Variants in NTN1 observed in about 807,000 individuals in gnomAD.
The protein encoded by NTN1 is netrin 1, also known as netrin-1.
Under a neutral mutation model 54.2 loss-of-function variants are expected in NTN1, and 11 were observed. That is an observed-to-expected ratio of 0.20 (90% CI 0.13 to 0.34). NTN1 has a LOEUF of 0.34. Ranked by LOEUF, NTN1 falls within the 10% of genes least tolerant of loss-of-function variation. The pLI is 1.00. For missense variants in NTN1, 740 were observed against 893.1 expected, an observed-to-expected ratio of 0.83 and a Z score of 2.18; for synonymous variants, 371 against 382.0, an observed-to-expected ratio of 0.97 and a Z score of 0.33.
At chr17:9,145,504 TTCTGAGCAGAGTGGGCCAGGCG>T (rs2092310771) in intron 2 of NTN1, among the ~76,000 whole-genome samples, 2 of 152,180 alleles carry the variant, frequency 1.3e-5, no homozygotes, top group African/African-American at 4.8e-5. Context: ...AGGGCCAGGC[TTCTGAGCAGAGTGGGCCAGGCG>T]TCCAGTCCCT....
At position 9,230,808 on chromosome 17, in the gene NTN1, C is replaced by G. The variant is rs145927013; in HGVS notation, c.1487-8832C>G. On this transcript the variant is annotated intron_variant, in intron 6 of 6. Transcript: ENST00000173229. ...CTTTCTGGCCCTCATCTGCTCCTTC[C>G]CTGGAGCTTCCTCTTGTCTCTCCCG... 4.3e-3 allele frequency among the ~76,000 whole-genome samples: 656 copies of G among 152,308 alleles called. 6 individuals carry two copies. The highest frequency in any genetic ancestry group is 0.015 in the African/African-American group (624 of 41,558).
intron 2 of NTN1, among the ~76,000 whole-genome samples, chr17:9,140,429 A>C (rs944959729): frequency 6.6e-6 from 1 of 152,246 alleles, no homozygotes; most frequent in Non-Finnish European, 1.5e-5. Flanking sequence ...TTGAAATAAA[A>C]AAATGCATCT....
At chr17:9,151,969 C>A (rs971838983) in intron 2 of NTN1, among the ~76,000 whole-genome samples, 2 of 152,092 alleles carry the variant, frequency 1.3e-5, no homozygotes, top group African/African-American at 4.8e-5. Context: ...AGTAGCCAAT[C>A]GCGGGGAGGA....
At chr17:9,177,203 C>T (rs1230777794) in intron 3 of NTN1, 1 of 152,222 alleles carries the variant, frequency 6.6e-6, no homozygotes, top group African/African-American at 2.4e-5. Context: ...AGAGTGGGCC[C>T]TTAGGAAGCG....
chr17:9,137,634 A>C (rs138935381), intron 2 of NTN1, among the ~76,000 whole-genome samples: 2,218 of 152,212 alleles, frequency 0.015, 51 homozygotes, highest in African/African-American at 0.05. Flanking sequence ...CTCTACTAAA[A>C]ATACAAAAAA....
At chr17:9,042,743 C>T (rs751160367) in intron 2 of NTN1, among the ~76,000 whole-genome samples, 60 of 151,074 alleles carry the variant, frequency 4.0e-4, no homozygotes, top group Non-Finnish European at 7.5e-4. Context: ...GCCGAGATTG[C>T]GCCACTGCAC....
rs894920193 is a variant in NTN1 at position 9,221,408 on chromosome 17, C to G, written c.1486+166C>G. On this transcript the variant is annotated intron_variant, in intron 6 of 6. Transcript: ENST00000173229. The surrounding 1 kb of genome is among the most constrained non-coding windows in gnomAD (Gnocchi z 4.5). ...CACGCCTGGGAATTTCTCATCTTTTCCTCCTTGGCCCTCAGAGACGGGGGC... is the reference window on the plus strand; with the variant it reads ...CACGCCTGGGAATTTCTCATCTTTTGCTCCTTGGCCCTCAGAGACGGGGGC... Among the ~76,000 whole-genome samples, 1 of 152,194 alleles carries G rather than the reference C, an allele frequency of 6.6e-6. No homozygotes were observed. Among genetic ancestry groups the G allele is most frequent in the Non-Finnish European group, 1.5e-5 (1 of 68,026 alleles).
intron 2 of NTN1, among the ~76,000 whole-genome samples, chr17:9,028,588 G>A (rs931962848): frequency 2.0e-5 from 3 of 152,204 alleles, no homozygotes; most frequent in African/African-American, 7.2e-5. Flanking sequence ...GAGACTTTAT[G>A]TCCAGAGTAA....
intron 1 of NTN1, among the ~76,000 whole-genome samples, chr17:9,021,880 C>T (rs1440005821): frequency 6.6e-6 from 1 of 152,108 alleles, no homozygotes; most frequent in Non-Finnish European, 1.5e-5. Flanking sequence ...GGTAAAGTCC[C>T]GAACGCGGAC....
intron 2 of NTN1, among the ~76,000 whole-genome samples, chr17:9,157,577 C>T (rs963142050): frequency 9.2e-5 from 14 of 152,346 alleles, no homozygotes; most frequent in African/African-American, 2.9e-4. Flanking sequence ...TGGGGCCTCT[C>T]GCCCTCCTAT....
intron 2 of NTN1, among the ~76,000 whole-genome samples, chr17:9,032,778 C>G (rs895858691): frequency 6.6e-6 from 1 of 152,106 alleles, no homozygotes; most frequent in Non-Finnish European, 1.5e-5. Flanking sequence ...TTTCCTCTCC[C>G]CGAAGCCAGA....
rs140122207 is a variant in NTN1, at chr17:9,078,814, A to G, written c.1018+55423A>G. On this transcript the variant is annotated intron_variant, in intron 2 of 6. Coordinates refer to ENST00000173229, the MANE Select transcript of NTN1 (RefSeq NM_004822.3). Reference sequence around the variant, plus strand: ...ACAAGTATTAGTGAGTCAGGCAGACAAAAAGTCTTCCTGGAGCTGATATTC... The same window carrying G: ...ACAAGTATTAGTGAGTCAGGCAGACGAAAAGTCTTCCTGGAGCTGATATTC... Among the ~76,000 whole-genome samples, 1,261 of 152,358 alleles carry G rather than the reference A, an allele frequency of 8.3e-3. 19 individuals are homozygous for G. The highest frequency in any genetic ancestry group is 0.028 in the African/African-American group (1,183 of 41,594).
At chr17:9,139,826 C>T (rs902034524) in intron 2 of NTN1, among the ~76,000 whole-genome samples, 2 of 150,784 alleles carry the variant, frequency 1.3e-5, no homozygotes, top group African/African-American at 5.0e-5. Context: ...TCCATCCTTC[C>T]ATCATCTGTT....
intron 6 of NTN1, among the ~76,000 whole-genome samples, chr17:9,235,708 G>C (rs962160977): frequency 6.6e-6 from 1 of 152,062 alleles, no homozygotes; most frequent in African/African-American, 2.4e-5. Flanking sequence ...AAAGGGCATG[G>C]GAACTAGCTG....
chr17:9,158,926 C>T (rs1266981265), intron 2 of NTN1, among the ~76,000 whole-genome samples: 1 of 152,220 alleles, frequency 6.6e-6, no homozygotes, highest in African/African-American at 2.4e-5. Flanking sequence ...TTTTCTCCTG[C>T]ATCCCACACT....
At chr17:9,012,821 A>T in the NTN1 span, among the ~76,000 whole-genome samples, 1 of 152,192 alleles carries the variant, frequency 6.6e-6, no homozygotes, top group African/African-American at 2.4e-5. Flanking sequence ...GGATGTTGAG[A>T]TGTGATAACT....
chr17:9,011,595 G>A, the NTN1 span, among the ~76,000 whole-genome samples: 2 of 152,048 alleles, frequency 1.3e-5, no homozygotes, highest in Non-Finnish European at 2.9e-5. Context: ...ATCTTTTGGG[G>A]GGGCATTTTT....
upstream of NTN1, among the ~76,000 whole-genome samples, chr17:9,016,790 G>C (rs908652980): frequency 1.2e-4 from 18 of 152,168 alleles, no homozygotes; most frequent in Admixed American, 2.6e-4. Context: ...CTCAACTTGA[G>C]ATTAATCCAA....
chr17:9,181,551 A>G (rs9890050), intron 4 of NTN1, among the ~76,000 whole-genome samples: 54,563 of 151,996 alleles, frequency 0.36, 10,208 homozygotes, highest in Middle Eastern at 0.49. Flanking sequence ...TGTTGTTGCT[A>G]ATACAGTTGC....
Sources: gnomAD v4.1 joint callset for allele counts (sites outside exome capture counted in the v4.1 genomes callset) on GRCh38, gnomAD v4.1.1 for gene constraint, Gnocchi (gnomAD v3.1) non-coding constraint, MANE v1.5 for transcripts, NCBI Gene and HGNC (gene_info 2026-07-23, HGNC 2026-07-21) for gene names.